The following HIP1 variants were observed in gnomAD, a reference collection of about 807,000 sequenced individuals.
HIP1 encodes huntingtin interacting protein 1.
A neutral mutation model predicts 147.6 loss-of-function variants in HIP1; 65 were observed. That is an observed-to-expected ratio of 0.44 (90% CI 0.36 to 0.54). HIP1 has a LOEUF of 0.54. Among genes scored for constraint, HIP1 ranks in the 20% least tolerant of loss-of-function variants. The probability of loss-of-function intolerance (pLI) is 0.00; values close to 1 mark genes in which losing one functional copy is unlikely to be tolerated. For synonymous variants in HIP1, 479 were observed against 504.0 expected (o/e 0.95, Z 0.67); for missense variants, 1,061 against 1,299.6 (o/e 0.82, Z 2.82).
rs587734750 is a variant in HIP1, at chr7:75,570,533, C to T, written c.746-2277G>A. Among the ~76,000 whole-genome samples, 303 of 151,416 alleles carry T rather than the reference C, an allele frequency of 2.0e-3. 2 individuals are homozygous for T. Among genetic ancestry groups the T allele is most frequent in the African/African-American group, 7.0e-3 (289 of 41,350 alleles). ...GTCTCGATCTCCTGACCTCATGATC[C>T]GCCCACCTCGGCCTCCCAAAGTGCT... On this transcript the variant is annotated intron_variant, in intron 8 of 30. Transcript: ENST00000336926.
intron 1 of HIP1, among the ~76,000 whole-genome samples, chr7:75,608,163 C>A (rs1374450936): frequency 6.6e-6 from 1 of 152,092 alleles, no homozygotes; most frequent in African/African-American, 2.4e-5. Flanking sequence ...AAAAAATTAG[C>A]CGGGCGTGGT....
intron 1 of HIP1, among the ~76,000 whole-genome samples, chr7:75,633,648 G>A (rs1180060404): frequency 5.9e-5 from 9 of 152,052 alleles, no homozygotes; most frequent in African/African-American, 2.2e-4. Flanking sequence ...TTGTGGCCCA[G>A]GGCTGAAAAC....
In HIP1 at chr7:75,539,402, C is replaced by T. The variant is rs1554489430; in HGVS notation, c.2982G>A (p.Leu994=). The change falls in exon 30 of 31, where the codon TTG becomes TTA. Residue 994 remains leucine, a synonymous_variant. Transcript: ENST00000336926. ...QVRVLELENE[L]QKERQKLGEL... is the part of the protein sequence containing the mutation. Reference sequence around the variant, plus strand: ...CTCCCAGTTTTTGACGCTCCTTCTGCAATTCATTTTCTAGCTCTAGCACCC... The same window carrying T: ...CTCCCAGTTTTTGACGCTCCTTCTGTAATTCATTTTCTAGCTCTAGCACCC... The T allele has an allele frequency of 6.2e-7, 1 of 1,614,104 alleles. No individual in the cohort carries two copies. Among genetic ancestry groups the T allele is most frequent in the Admixed American group, 1.7e-5 (1 of 60,012 alleles).
At chr7:75,599,078 G>T in intron 2 of HIP1, 106 bp downstream of exon 2, 1 of 811,206 alleles carries the variant, frequency 1.2e-6, no homozygotes, top group Non-Finnish European at 2.2e-6. Flanking sequence ...GGCCTGTGCA[G>T]GGTTGCCCCT....
intron 1 of HIP1, among the ~76,000 whole-genome samples, chr7:75,628,418 T>C (rs2117116969): frequency 6.6e-6 from 1 of 152,128 alleles, no homozygotes; most frequent in Non-Finnish European, 1.5e-5. Context: ...ATTGTACCAA[T>C]CACACTATTG....
intron 1 of HIP1, among the ~76,000 whole-genome samples, chr7:75,667,572 A>G (rs1274036659): frequency 6.6e-6 from 1 of 152,130 alleles, no homozygotes; most frequent in Non-Finnish European, 1.5e-5. Context: ...TGCAGTCTTG[A>G]GCTCCTGGGC....
In HIP1 at chr7:75,554,513, G is replaced by T; in HGVS notation, c.1977C>A (p.Ser659=). 6.2e-7 allele frequency: 1 copy of T among 1,613,580 alleles called. No homozygotes were observed. Among genetic ancestry groups the T allele is most frequent in the Non-Finnish European group, 8.5e-7 (1 of 1,179,704 alleles). The change falls in exon 20 of 31, where the codon TCC becomes TCA. Residue 659 remains serine, a synonymous_variant. Transcript: ENST00000336926. ...TGCAGCTGGAAATGGATGTGACCGT[G>T]GAGAGGAGGTGATCTGTGAGAGGGA... ...SCAGSADHLL[S]TVTSISSCIE...
chr7:75,673,292 G>A (rs1554515565), intron 1 of HIP1, among the ~76,000 whole-genome samples: 2 of 152,054 alleles, frequency 1.3e-5, no homozygotes, highest in Non-Finnish European at 2.9e-5. Flanking sequence ...CAAAGTGCTG[G>A]GATTACAGGG....
At chr7:75,608,022 T>C (rs1440506417) in intron 1 of HIP1, among the ~76,000 whole-genome samples, 1 of 152,120 alleles carries the variant, frequency 6.6e-6, no homozygotes, top group Non-Finnish European at 1.5e-5. Context: ...AATGAAGGTG[T>C]TTTGGCTGGG....
intron 1 of HIP1, among the ~76,000 whole-genome samples, chr7:75,634,979 C>T (rs587635489): frequency 2.0e-5 from 3 of 147,118 alleles, no homozygotes; most frequent in African/African-American, 7.5e-5. Flanking sequence ...AAACAAAATG[C>T]CTTGTATACT....
chr7:75,664,896 C>T (rs1281203841), intron 1 of HIP1, among the ~76,000 whole-genome samples: 14 of 152,088 alleles, frequency 9.2e-5, no homozygotes, highest in South Asian at 2.1e-4. Flanking sequence ...GCTGGGATTA[C>T]GGGCGTGAGC....
At chr7:75,567,220 C>T (rs1554495718) in intron 9 of HIP1, among the ~76,000 whole-genome samples, 1 of 148,732 alleles carries the variant, frequency 6.7e-6, no homozygotes, top group Non-Finnish European at 1.5e-5. Flanking sequence ...TTTAAGTATG[C>T]TATACAGATG....
intron 1 of HIP1, among the ~76,000 whole-genome samples, chr7:75,635,749 A>G (rs1554509576): frequency 1.3e-5 from 2 of 152,044 alleles, no homozygotes; most frequent in African/African-American, 4.8e-5. Flanking sequence ...GACGCAATGT[A>G]CAGTGGCTCA....
chr7:75,709,113 T>TTG (rs1801088152), intron 1 of HIP1, among the ~76,000 whole-genome samples: 1 of 150,356 alleles, frequency 6.7e-6, no homozygotes, highest in Non-Finnish European at 1.5e-5. Context: ...TCTTTTCTTT[T>TTG]TTTTTTTTTT....
intron 1 of HIP1, among the ~76,000 whole-genome samples, chr7:75,689,157 C>T (rs868962527): frequency 2.0e-5 from 3 of 152,078 alleles, no homozygotes; most frequent in African/African-American, 7.2e-5. Flanking sequence ...GGAGACCAGC[C>T]TGGGCAACAT....
chr7:75,637,522 T>C (rs1010897233), intron 1 of HIP1, among the ~76,000 whole-genome samples: 2 of 142,556 alleles, frequency 1.4e-5, no homozygotes, highest in Non-Finnish European at 3.0e-5. Flanking sequence ...TCCACCCCCA[T>C]AGCTGCAGAG....
rs587604299 is a variant in HIP1, at chr7:75,572,727, C to T, written c.745+1034G>A. On this transcript the variant is annotated intron_variant, in intron 8 of 30. Transcript: ENST00000336926. ...GAGCCTCCCTGTGCTCTTGAGGGTC[C>T]GGAGCAGGCAGGAACCCTACCTTCC... is the stretch of plus-strand genomic sequence containing the variant. Among the ~76,000 whole-genome samples, 19 of 152,264 alleles carry T rather than the reference C, an allele frequency of 1.2e-4. No homozygotes were observed. The South Asian group carries it at 2.5e-3, about 20-fold the overall frequency.
At chr7:75,591,768 C>A (rs1796509341) in intron 4 of HIP1, among the ~76,000 whole-genome samples, 1 of 150,970 alleles carries the variant, frequency 6.6e-6, no homozygotes, top group South Asian at 2.1e-4. Flanking sequence ...GTAGCTACTG[C>A]TGAGGGATCC....
chr7:75,629,784 C>T (rs1163419884), intron 1 of HIP1, among the ~76,000 whole-genome samples: 3 of 152,134 alleles, frequency 2.0e-5, no homozygotes, highest in East Asian at 3.9e-4. Flanking sequence ...TCAGGTGATC[C>T]TCCCGCCTCG....
Sources: gnomAD v4.1 joint callset for allele counts (sites outside exome capture counted in the v4.1 genomes callset) on GRCh38, gnomAD v4.1.1 for gene constraint, MANE v1.5 for transcripts, NCBI Gene and HGNC (gene_info 2026-07-23, HGNC 2026-07-21) for gene names.